LRRC37A2: variants seen among roughly 807,000 people sequenced by gnomAD.
LRRC37A2 encodes leucine rich repeat containing 37 member A2.
In LRRC37A2, 9 loss-of-function variants were observed where a neutral mutation model predicts 68.8. That is an observed-to-expected ratio of 0.13 (90% confidence interval 0.08 to 0.23). The LOEUF (loss-of-function observed/expected upper bound fraction) is 0.23. Ranked by LOEUF, LRRC37A2 falls within the 10% of genes least tolerant of loss-of-function variation. The pLI is 1.00. For synonymous variants in LRRC37A2, 63 were observed against 367.6 expected (o/e 0.17, Z 9.48); for missense variants, 168 against 950.4 (o/e 0.18, Z 10.82).
chr17:46,803,946 C>T, the LRRC37A2 span, among the ~76,000 whole-genome samples: 1 of 152,224 alleles, frequency 6.6e-6, no homozygotes, highest in Non-Finnish European at 1.5e-5. Flanking sequence ...CCCAGCATGC[C>T]TTCTCCTTTC....
At chr17:46,943,633 G>C in the LRRC37A2 span, among the ~76,000 whole-genome samples, 1 of 152,152 alleles carries the variant, frequency 6.6e-6, no homozygotes, top group South Asian at 2.1e-4. Context: ...GGCGCCATCG[G>C]GTAAGCGGCT....
the LRRC37A2 span, among the ~76,000 whole-genome samples, chr17:46,718,616 C>T: frequency 2.0e-5 from 3 of 152,194 alleles, no homozygotes; most frequent in Admixed American, 6.5e-5. Context: ...TTTTTCTTCA[C>T]TAGAGTAGTA....
At chr17:46,935,274 A>G in the LRRC37A2 span, 1 of 1,600,020 alleles carries the variant, frequency 6.2e-7, no homozygotes, top group Non-Finnish European at 8.5e-7. Context: ...AAATTGTGAT[A>G]TTTTGATGAC....
chr17:46,871,411 T>G, the LRRC37A2 span, among the ~76,000 whole-genome samples: 1 of 152,212 alleles, frequency 6.6e-6, no homozygotes, highest in Non-Finnish European at 1.5e-5. Flanking sequence ...ATTCCCACCC[T>G]GCTGCTGATC....
chr17:46,912,922 T>C, the LRRC37A2 span, among the ~76,000 whole-genome samples: 3 of 152,340 alleles, frequency 2.0e-5, no homozygotes, highest in African/African-American at 7.2e-5. Flanking sequence ...CCTAGTTCCC[T>C]TCTGCCACCA....
At chr17:46,792,140 C>A in the LRRC37A2 span, among the ~76,000 whole-genome samples, 1 of 152,202 alleles carries the variant, frequency 6.6e-6, no homozygotes, top group Non-Finnish European at 1.5e-5. Flanking sequence ...GATGTGTGTT[C>A]GACACAAAAG....
chr17:46,869,828 G>A, the LRRC37A2 span, among the ~76,000 whole-genome samples: 48 of 151,966 alleles, frequency 3.2e-4, no homozygotes, highest in Admixed American at 1.8e-3. Context: ...GTGAAACCCC[G>A]TCTCTACTAA....
At chr17:46,953,798 A>G in the LRRC37A2 span, among the ~76,000 whole-genome samples, 1 of 152,228 alleles carries the variant, frequency 6.6e-6, no homozygotes, top group Non-Finnish European at 1.5e-5. Flanking sequence ...AGTGATGATG[A>G]GCATTTTTTC....
At chr17:46,545,769 A>T (rs1307575482) in intron 8 of LRRC37A2, among the ~76,000 whole-genome samples, 2 of 145,872 alleles carry the variant, frequency 1.4e-5, no homozygotes, top group Non-Finnish European at 3.0e-5. Flanking sequence ...GAATGCTCAA[A>T]TTGTCCAGAT....
the LRRC37A2 span, among the ~76,000 whole-genome samples, chr17:47,022,310 A>G: frequency 6.9e-6 from 1 of 145,210 alleles, no homozygotes; most frequent in African/African-American, 2.5e-5. Context: ...AGCTGGGACC[A>G]CAGGTGCATG....
At chr17:46,558,110 A>G (rs970605288), downstream of LRRC37A2, among the ~76,000 whole-genome samples, 3 of 131,042 alleles carry the variant, frequency 2.3e-5, 1 homozygote, top group African/African-American at 9.1e-5. Context: ...CTCAGTCTGG[A>G]ATGCAATGGC....
the LRRC37A2 span, among the ~76,000 whole-genome samples, chr17:46,922,178 T>C: frequency 1.3e-5 from 2 of 152,210 alleles, no homozygotes; most frequent in Non-Finnish European, 2.9e-5. Flanking sequence ...TTCATGTCCT[T>C]TGTAGGGACA....
At chr17:46,906,946 G>A in the LRRC37A2 span, among the ~76,000 whole-genome samples, 5 of 152,160 alleles carry the variant, frequency 3.3e-5, no homozygotes, top group Admixed American at 1.3e-4. Context: ...TCAAATACAT[G>A]ATTTCATTTA....
chr17:46,876,812 A>T, the LRRC37A2 span: 1 of 1,446,930 alleles, frequency 6.9e-7, no homozygotes, highest in South Asian at 1.5e-5. Context: ...CTGTCATCAC[A>T]TGCATGCATA....
At chr17:46,521,274 G>C (rs1463951321) in intron 4 of LRRC37A2, among the ~76,000 whole-genome samples, 1 of 56,552 alleles carries the variant, frequency 1.8e-5, no homozygotes, top group Non-Finnish European at 4.4e-5. Context: ...GCTCATTAGT[G>C]ATGCTCTTTT....
the LRRC37A2 span, among the ~76,000 whole-genome samples, chr17:46,717,276 T>C: frequency 2.0e-4 from 30 of 152,146 alleles, no homozygotes; most frequent in African/African-American, 7.2e-4. Context: ...TCCTCATTCA[T>C]ATATGGGAAC....
the LRRC37A2 span, among the ~76,000 whole-genome samples, chr17:46,703,984 G>A: frequency 6.6e-6 from 1 of 151,160 alleles, no homozygotes; most frequent in African/African-American, 2.4e-5. Context: ...ATTTAACTTA[G>A]CATATGGTCC....
At chr17:46,871,987 G>C in the LRRC37A2 span, among the ~76,000 whole-genome samples, 3 of 152,204 alleles carry the variant, frequency 2.0e-5, no homozygotes, top group Non-Finnish European at 4.4e-5. Context: ...GTAAGGGAGA[G>C]AGGGATGTCA....
the LRRC37A2 span, among the ~76,000 whole-genome samples, chr17:46,995,483 C>CA: frequency 8.0e-5 from 12 of 150,150 alleles, no homozygotes; most frequent in Non-Finnish European, 1.2e-4. Flanking sequence ...CAGTTCTGGC[C>CA]AAAAAAGTGT....
Sources: gnomAD v4.1 joint callset for allele counts (sites outside exome capture counted in the v4.1 genomes callset) on GRCh38, gnomAD v4.1.1 for gene constraint, MANE v1.5 for transcripts, NCBI Gene and HGNC (gene_info 2026-07-23, HGNC 2026-07-21) for gene names.